Variants in TRMT44 observed in about 807,000 individuals in gnomAD.
TRMT44 encodes the protein tRNA methyltransferase 44 homolog, also known as probable tRNA (uracil-O(2)-)-methyltransferase.
TRMT44 carries 78 observed loss-of-function variants against 77.3 expected under a neutral mutation model. That is an observed-to-expected ratio of 1.01 (90% confidence interval 0.84 to 1.22). TRMT44 has a LOEUF of 1.22. Ranked by LOEUF, TRMT44 falls within the 50% of genes most tolerant of loss-of-function variation. TRMT44 has a pLI of 0.00. For synonymous variants in TRMT44, 391 were observed against 383.3 expected (o/e 1.02, Z -0.23); for missense variants, 1,090 against 964.4 (o/e 1.13, Z -1.73).
intron 2 of TRMT44, among the ~76,000 whole-genome samples, chr4:8,491,770 C>T (rs910182467): frequency 1.4e-4 from 21 of 152,226 alleles, no homozygotes; most frequent in African/African-American, 2.9e-4. Flanking sequence ...CACGCAGCCC[C>T]GGTTCCCGCT....
chr4:8,475,792 A>G lies in TRMT44; in HGVS notation c.2065A>G (p.Ile689Val), dbSNP rs1727336522. 1 of 1,614,160 alleles carries G rather than the reference A, an allele frequency of 6.2e-7. No individual in the cohort carries two copies. Among genetic ancestry groups the G allele is most frequent in the Non-Finnish European group, 8.5e-7 (1 of 1,180,042 alleles). Reference sequence around the variant, plus strand: ...CACAGTTGTGAATGGGAGAGTTCACATCCGCGACTGGCGAGAGGAGACACT... The same window carrying G: ...CACAGTTGTGAATGGGAGAGTTCACGTCCGCGACTGGCGAGAGGAGACACT... ...VFQVVNGRVHIRDWREETLWK... is the reference protein window; with the variant it reads ...VFQVVNGRVHVRDWREETLWK... Residue 689 changes from isoleucine (I) to valine (V), a missense_variant, in exon 11 of 11, where the codon ATC (isoleucine) becomes GTC (valine). Coordinates refer to ENST00000389737, the MANE Select transcript of TRMT44 (RefSeq NM_152544.3).
chr4:8,512,414 A>T, the TRMT44 span: 1 of 152,132 alleles, frequency 6.6e-6, no homozygotes, highest in Non-Finnish European at 1.5e-5. Flanking sequence ...TATGTATTTC[A>T]TCTTTGCATG....
intron 2 of TRMT44, among the ~76,000 whole-genome samples, chr4:8,492,956 G>A (rs544171304): frequency 3.3e-5 from 5 of 152,264 alleles, no homozygotes; most frequent in Non-Finnish European, 7.3e-5. Context: ...ATGTCGTCAG[G>A]ACTTCCTGAG....
chr4:8,501,793 C>T, the TRMT44 span, among the ~76,000 whole-genome samples: 5 of 152,158 alleles, frequency 3.3e-5, no homozygotes, highest in Non-Finnish European at 5.9e-5. This position sits in a 1 kb window ranked among gnomAD's most constrained non-coding sequence, Gnocchi z 4.4. Flanking sequence ...CTGCTGCCAT[C>T]GGCTGTGAGC....
rs562664651 is a variant in TRMT44 at position 8,489,618 on chromosome 4, A to G, written n.3892-3648A>G. ...CAGCCTCCCGAGTGGCTGGGATTACAGGTGTTAGCCACCACGCCTGGCTAA... is the reference window on the plus strand; with the variant it reads ...CAGCCTCCCGAGTGGCTGGGATTACGGGTGTTAGCCACCACGCCTGGCTAA... On this transcript the variant is annotated intron_variant and non_coding_transcript_variant, in intron 2 of 2. Coordinates refer to the TRMT44 transcript ENST00000511366. 3.9e-4 allele frequency among the ~76,000 whole-genome samples: 60 copies of G among 152,228 alleles called. 1 individual carries two copies. Among genetic ancestry groups the G allele is most frequent in the Non-Finnish European group, 3.4e-4 (23 of 68,012 alleles).
In TRMT44 at chr4:8,449,694, C is replaced by G; in HGVS notation, c.760C>G (p.Pro254Ala). 1 of 1,535,780 alleles carries G rather than the reference C, an allele frequency of 6.5e-7. No homozygotes were observed. Among genetic ancestry groups the G allele is most frequent in the Non-Finnish European group, 8.7e-7 (1 of 1,146,764 alleles). Residue 254 changes from proline to alanine, a missense_variant, in exon 3 of 11, where the codon CCA (proline) becomes GCA (alanine). Physicochemically the swap from Pro to Ala is conservative, Grantham distance 27. Transcript: ENST00000389737. ...GTTCATATCTGTTTTAATTTTCTGT[C>G]CAGAAAGATGGCATTCAGATGGAAT... is the stretch of plus-strand genomic sequence containing the variant. Reference protein sequence around the residue: ...EWFISVLIFCPERWHSDGIVY... With the variant: ...EWFISVLIFCAERWHSDGIVY...
chr4:8,446,366 G>A lies in TRMT44; in HGVS notation c.620-110G>A, dbSNP rs1266717508. The A allele has an allele frequency of 2.9e-6, 2 of 692,308 alleles. No homozygotes were observed. The highest frequency in any genetic ancestry group is 1.8e-5 in the African/African-American group (1 of 56,248). The allele number at this position is 692,308 out of a possible 1,614,324, so 42.9% of individuals were successfully genotyped here. A position where few individuals can be genotyped will look rare whatever the true frequency, so the allele number is the denominator to read the frequency against. ...CCTGGAGTGCCATTGTGAATAGAGT[G>A]CTGGGGGATTGAAAGCATCGTGCTT... is the stretch of plus-strand genomic sequence containing the variant. On this transcript the variant is annotated intron_variant, in intron 1 of 10. Coordinates refer to ENST00000389737, the MANE Select transcript of TRMT44 (RefSeq NM_152544.3). This position sits in a 1 kb window ranked among gnomAD's most constrained non-coding sequence, Gnocchi z 4.3.
chr4:8,487,189 G>A (rs970257256), intron 2 of TRMT44, among the ~76,000 whole-genome samples: 1 of 152,186 alleles, frequency 6.6e-6, no homozygotes, highest in African/African-American at 2.4e-5. Context: ...TGTCGAGTTT[G>A]TATTGGGGTC....
the TRMT44 span, among the ~76,000 whole-genome samples, chr4:8,515,772 C>T: frequency 5.3e-5 from 8 of 152,190 alleles, no homozygotes; most frequent in Non-Finnish European, 1.2e-4. Context: ...CCTCAGCCTC[C>T]GCTCAAACGT....
chr4:8,478,002 G>A (rs1165485016), downstream of TRMT44: 1 of 152,994 alleles, frequency 6.5e-6, no homozygotes, highest in Non-Finnish European at 1.5e-5. Flanking sequence ...CCATGCCAGA[G>A]TGTGTGGCCT....
chr4:8,465,792 C>T (rs867024712), intron 8 of TRMT44, among the ~76,000 whole-genome samples: 1 of 152,250 alleles, frequency 6.6e-6, no homozygotes. Flanking sequence ...GGAGTCCTCG[C>T]CAAGCCCTCC....
the TRMT44 span, among the ~76,000 whole-genome samples, chr4:8,505,549 G>A: frequency 6.6e-6 from 1 of 152,234 alleles, no homozygotes; most frequent in Non-Finnish European, 1.5e-5. Flanking sequence ...CCCTGTGGGG[G>A]AAGGGGAGCA....
intron 9 of TRMT44, among the ~76,000 whole-genome samples, chr4:8,470,246 G>A (rs911743590): frequency 2.6e-5 from 4 of 152,128 alleles, no homozygotes; most frequent in African/African-American, 4.8e-5. Context: ...CAGGATTCTC[G>A]CAGCAGCTGC....
intron 9 of TRMT44, 111 bp from the exon 10 acceptor site, chr4:8,470,973 T>G (rs2109178719): frequency 4.2e-6 from 3 of 711,656 alleles, no homozygotes; most frequent in East Asian, 5.3e-5. Flanking sequence ...CGTGCTGGAG[T>G]GCATAACGCG....
At chr4:8,472,875 G>A (rs1020569490) in intron 10 of TRMT44, among the ~76,000 whole-genome samples, 1 of 152,164 alleles carries the variant, frequency 6.6e-6, no homozygotes, top group African/African-American at 2.4e-5. Flanking sequence ...CCTCCACGGG[G>A]CCTCTTTCTG....
intron 10 of TRMT44, among the ~76,000 whole-genome samples, chr4:8,472,869 C>T (rs140662423): frequency 2.0e-5 from 3 of 152,250 alleles, no homozygotes; most frequent in East Asian, 3.9e-4. Context: ...TTCCCACCTC[C>T]ACGGGGCCTC....
At chr4:8,492,528 G>T (rs1728038900) in intron 2 of TRMT44, among the ~76,000 whole-genome samples, 1 of 152,184 alleles carries the variant, frequency 6.6e-6, no homozygotes, top group Non-Finnish European at 1.5e-5. Flanking sequence ...TTTACAGTGT[G>T]AAAGGAAAAT....
chr4:8,485,365 G>A (rs1727771737), intron 2 of TRMT44, among the ~76,000 whole-genome samples: 1 of 152,230 alleles, frequency 6.6e-6, no homozygotes, highest in Non-Finnish European at 1.5e-5. Flanking sequence ...TGGTTGATAA[G>A]GCGCAGATCC....
At chr4:8,463,827 T>G (rs1252534176) in intron 6 of TRMT44, among the ~76,000 whole-genome samples, 158 bp from the exon 7 acceptor site, 1 of 152,224 alleles carries the variant, frequency 6.6e-6, no homozygotes, top group African/African-American at 2.4e-5. Context: ...GAGGATACAT[T>G]GACTTCCCCG....
Sources: gnomAD v4.1 joint callset for allele counts (sites outside exome capture counted in the v4.1 genomes callset) on GRCh38, gnomAD v4.1.1 for gene constraint, Gnocchi (gnomAD v3.1) non-coding constraint, MANE v1.5 for transcripts, NCBI Gene and HGNC (gene_info 2026-07-23, HGNC 2026-07-21) for gene names.